The following ELP4 variants were observed in gnomAD, a reference collection of about 807,000 sequenced individuals.
The protein encoded by ELP4 is elongator acetyltransferase complex subunit 4.
In ELP4, 51 loss-of-function variants were observed where a neutral mutation model predicts 48.9. The observed-to-expected ratio is 1.04, with a 90% CI of 0.83 to 1.32. The LOEUF is 1.32. Among genes scored for constraint, ELP4 ranks in the 40% most tolerant of loss-of-function variants. The pLI, the probability that ELP4 is intolerant of heterozygous loss-of-function variation, is 0.00. For synonymous variants in ELP4, 210 were observed against 189.2 expected (o/e 1.11, Z -0.90); for missense variants, 519 against 514.6 (o/e 1.01, Z -0.08).
intron 1 of ELP4, among the ~76,000 whole-genome samples, chr11:31,517,010 AG>A (rs2133873438): frequency 6.6e-6 from 1 of 152,308 alleles, no homozygotes; most frequent in South Asian, 2.1e-4. Flanking sequence ...CTTCCCTAAG[AG>A]TTTGAAATGT....
At chr11:31,519,783 T>C in intron 1 of ELP4, among the ~76,000 whole-genome samples, 1 of 151,502 alleles carries the variant, frequency 6.6e-6, no homozygotes, top group Admixed American at 6.6e-5. Context: ...TGAGAGGAGA[T>C]TGTGCCACTG....
At chr11:31,763,125 G>T (rs956888326) in intron 9 of ELP4, among the ~76,000 whole-genome samples, 1 of 150,782 alleles carries the variant, frequency 6.6e-6, no homozygotes, top group African/African-American at 2.4e-5. Context: ...TAAATTAGAT[G>T]ACCATTTTAA....
intron 3 of ELP4, among the ~76,000 whole-genome samples, chr11:31,546,282 G>A (rs1956712350): frequency 6.6e-6 from 1 of 152,014 alleles, no homozygotes; most frequent in Non-Finnish European, 1.5e-5. Context: ...ATAAAAGGAT[G>A]GAGGAAGATC....
At chr11:31,581,877 C>T (rs1260710488) in intron 3 of ELP4, among the ~76,000 whole-genome samples, 1 of 151,964 alleles carries the variant, frequency 6.6e-6, no homozygotes, top group Admixed American at 6.6e-5. Flanking sequence ...CTCTGCCTTC[C>T]GAGTAGCTGG....
Position 31,509,801 on chromosome 11 carries a change from C to T in ELP4, c.17C>T (p.Thr6Ile), listed in dbSNP as rs760224399. Residue 6 changes from threonine to isoleucine, a missense_variant, in exon 1 of 10, where the codon ACC becomes ATC. Physicochemically the swap from Thr to Ile is moderately conservative, Grantham distance 89 (BLOSUM62 -1). Transcript: ENST00000640961. ...GGCTCTAAGATGGCGGCAGTGGCAA[C>T]CTGCGGTAGTGTTGCCGCGAGTACT... MAAVA[T>I]CGSVAASTGS... 2.4e-5 allele frequency: 38 copies of T among 1,614,046 alleles called. No individual in the cohort carries two copies. The highest frequency in any genetic ancestry group is 3.0e-5 in the Non-Finnish European group (35 of 1,180,052).
At chr11:31,622,367 T>G (rs1352037521) in intron 5 of ELP4, among the ~76,000 whole-genome samples, 1 of 151,140 alleles carries the variant, frequency 6.6e-6, no homozygotes, top group East Asian at 1.9e-4. Context: ...AAGTGACTTT[T>G]TTTCTTTTTT....
intron 9 of ELP4, among the ~76,000 whole-genome samples, chr11:31,737,714 A>G (rs1001753446): frequency 2.6e-5 from 4 of 152,206 alleles, no homozygotes; most frequent in African/African-American, 9.6e-5. Flanking sequence ...ACAAATGGCC[A>G]AAACGTATAG....
intron 5 of ELP4, among the ~76,000 whole-genome samples, chr11:31,614,982 A>G (rs6484515): frequency 0.93 from 141,493 of 152,098 alleles, 66,414 homozygotes; most frequent in South Asian, 1. Flanking sequence ...ACTTGAATGG[A>G]GTGTGAGGAT....
At chr11:31,758,640 G>A (rs552163585) in intron 9 of ELP4, among the ~76,000 whole-genome samples, 1 of 148,602 alleles carries the variant, frequency 6.7e-6, no homozygotes, top group Admixed American at 6.7e-5. Flanking sequence ...AAATTCTGTT[G>A]TTAATGATAT....
intron 9 of ELP4, chr11:31,707,345 T>G: frequency 4.5e-6 from 1 of 223,812 alleles, no homozygotes; most frequent in Non-Finnish European, 8.6e-6. Context: ...TTTTACCACG[T>G]GTAATCTATT....
At chr11:31,668,653 G>T (rs1276207602) in intron 9 of ELP4, among the ~76,000 whole-genome samples, 1 of 121,474 alleles carries the variant, frequency 8.2e-6, no homozygotes, top group African/African-American at 2.8e-5. Flanking sequence ...TTTAGATATC[G>T]GAATGAAATT....
intron 2 of ELP4, among the ~76,000 whole-genome samples, chr11:31,535,028 T>C (rs55762677): frequency 0.026 from 4,028 of 152,284 alleles, 167 homozygotes; most frequent in African/African-American, 0.091. Flanking sequence ...CTGTAAGCAA[T>C]GCAGAAGCAT....
intron 1 of ELP4, among the ~76,000 whole-genome samples, chr11:31,516,295 C>T (rs1956109732): frequency 6.6e-6 from 1 of 152,094 alleles, no homozygotes; most frequent in African/African-American, 2.4e-5. Flanking sequence ...ACCATAATGT[C>T]TCTTGTATGC....
chr11:31,789,810 G>T lies in ELP4; in HGVS notation c.*6286G>T. Reference sequence around the variant, plus strand: ...CAGTGGTACAATACAGGACACAATTGTAGAACTGAAGCGGCTCTAACAGCC... The same window carrying T: ...CAGTGGTACAATACAGGACACAATTTTAGAACTGAAGCGGCTCTAACAGCC... On this transcript the variant is annotated 3_prime_UTR_variant, in exon 10 of 10. Coordinates refer to ENST00000640961, the MANE Select transcript of ELP4 (RefSeq NM_019040.5). 2 of 841,222 alleles carry T rather than the reference G, an allele frequency of 2.4e-6. No individual in the cohort carries two copies. The highest frequency in any genetic ancestry group is 3.9e-6 in the Non-Finnish European group (2 of 508,518). The allele number at this position is 841,222 out of a possible 1,614,324, so 52.1% of individuals were successfully genotyped here.
chr11:31,636,083 G>A (rs1016757798), intron 7 of ELP4, among the ~76,000 whole-genome samples: 7 of 151,956 alleles, frequency 4.6e-5, no homozygotes, highest in African/African-American at 1.7e-4. Context: ...GGGTAAGTTA[G>A]CTTATACACT....
intron 9 of ELP4, among the ~76,000 whole-genome samples, chr11:31,740,535 G>A (rs1194166435): frequency 6.6e-6 from 1 of 152,202 alleles, no homozygotes; most frequent in East Asian, 1.9e-4. Context: ...TGTGGTGCCT[G>A]AATAATAGAG....
intron 2 of ELP4, among the ~76,000 whole-genome samples, chr11:31,531,337 G>A (rs577485790): frequency 8.9e-4 from 135 of 152,100 alleles, no homozygotes; most frequent in African/African-American, 3.0e-3. Context: ...ACTATGTGCC[G>A]GGCACTAGAG....
intron 3 of ELP4, among the ~76,000 whole-genome samples, chr11:31,553,318 GT>G (rs1303705458): frequency 2.6e-5 from 4 of 152,136 alleles, no homozygotes; most frequent in Non-Finnish European, 4.4e-5. Flanking sequence ...CTGTGAGAGT[GT>G]TTTGAAAGGA....
At chr11:31,695,679 C>T (rs1946387480) in intron 9 of ELP4, among the ~76,000 whole-genome samples, 1 of 150,654 alleles carries the variant, frequency 6.6e-6, no homozygotes, top group South Asian at 2.1e-4. Flanking sequence ...ATGCTGGCCT[C>T]ATAAAATGAG....
Sources: allele counts gnomAD v4.1 joint callset (sites outside exome capture counted in the v4.1 genomes callset), GRCh38; gene constraint gnomAD v4.1.1; transcripts MANE v1.5; gene names NCBI Gene and HGNC (gene_info 2026-07-23, HGNC 2026-07-21).